The following AAMDC variants were observed in gnomAD, a reference collection of about 807,000 sequenced individuals.
AAMDC encodes mth938 domain-containing protein.
A neutral mutation model predicts 15.5 loss-of-function variants in AAMDC; 16 were observed. That is an observed-to-expected ratio of 1.03 (90% CI 0.70 to 1.57). The LOEUF (loss-of-function observed/expected upper bound fraction) is 1.57, where lower values mean the gene tolerates loss of function less well. Ranked by LOEUF, AAMDC falls within the 40% of genes most tolerant of loss-of-function variation. The pLI is 0.00. For synonymous variants in AAMDC, 51 were observed against 51.6 expected, an observed-to-expected ratio of 0.99 and a Z score of 0.05; for missense variants, 141 against 144.9, an observed-to-expected ratio of 0.97 and a Z score of 0.14.
At chr11:77,882,280 G>T (rs776964623) in intron 5 of AAMDC, among the ~76,000 whole-genome samples, 1 of 152,106 alleles carries the variant, frequency 6.6e-6, no homozygotes, top group Non-Finnish European at 1.5e-5. Flanking sequence ...AGTCTGCAAT[G>T]AACTAGGATA....
chr11:77,895,819 A>G (rs1317256040), intron 5 of AAMDC, among the ~76,000 whole-genome samples: 1 of 152,210 alleles, frequency 6.6e-6, no homozygotes, highest in Admixed American at 6.5e-5. Flanking sequence ...GTCAAAAAAG[A>G]GCAGGCATCC....
At chr11:77,872,999 T>G (rs1358868570), downstream of AAMDC, among the ~76,000 whole-genome samples, 1 of 152,216 alleles carries the variant, frequency 6.6e-6, no homozygotes, top group African/African-American at 2.4e-5. Context: ...CTAGATGCCC[T>G]TTAAAGGTTC....
At chr11:77,879,249 T>C in intron 5 of AAMDC, 1 of 979,816 alleles carries the variant, frequency 1.0e-6, no homozygotes, top group Non-Finnish European at 1.5e-6. Context: ...TCCGTCTACA[T>C]TCCCTCCCCT....
chr11:77,863,147 G>A (rs1013731904), intron 2 of AAMDC, among the ~76,000 whole-genome samples: 3 of 152,172 alleles, frequency 2.0e-5, no homozygotes, highest in African/African-American at 4.8e-5. Flanking sequence ...ATCAGAAGCC[G>A]TGGGTCACGG....
At chr11:77,852,224 C>CAAAAAAAAAAAAAA (rs545742213) in intron 2 of AAMDC, among the ~76,000 whole-genome samples, 1,485 of 33,334 alleles carry the variant, frequency 0.045, 219 homozygotes, top group Non-Finnish European at 0.059. Flanking sequence ...GACACTGTCT[C>CAAAAAAAAAAAAAA]AAAAAAAAAA....
At chr11:77,832,754 T>C (rs2136080852) in intron 1 of AAMDC, among the ~76,000 whole-genome samples, 1 of 151,544 alleles carries the variant, frequency 6.6e-6, no homozygotes. Flanking sequence ...CCTGCTGAAA[T>C]TTTTTGTATA....
rs143329977 is a variant in AAMDC at position 77,867,915 on chromosome 11, A to G, written c.133-1807A>G. Among the ~76,000 whole-genome samples, 104 of 152,298 alleles carry G rather than the reference A, an allele frequency of 6.8e-4. 1 individual carries two copies. The highest frequency in any genetic ancestry group is 5.5e-3 in the Admixed American group (84 of 15,302). On this transcript the variant is annotated intron_variant, in intron 2 of 3. Transcript: ENST00000393427. ...TAGGAAGTTCAGAAAAAAAGTAACA[A>G]TATAGAGATTGTTATGAAATTTTTC... is the stretch of plus-strand genomic sequence containing the variant.
At chr11:77,823,916 TA>T (rs557186061) in intron 1 of AAMDC, among the ~76,000 whole-genome samples, 580 of 133,240 alleles carry the variant, frequency 4.4e-3, no homozygotes, top group Non-Finnish European at 4.0e-3. Context: ...AATAACATTC[TA>T]AAAAAAAAAA....
intron 3 of AAMDC, among the ~76,000 whole-genome samples, 194 bp from the exon 4 acceptor site, chr11:77,871,981 A>T (rs1951450759): frequency 6.6e-6 from 1 of 152,234 alleles, no homozygotes; most frequent in African/African-American, 2.4e-5. Flanking sequence ...CATGGGTATT[A>T]TGATACCTCT....
chr11:77,852,481 G>A (rs1372720510), intron 2 of AAMDC, among the ~76,000 whole-genome samples: 2 of 151,876 alleles, frequency 1.3e-5, no homozygotes, highest in Non-Finnish European at 2.9e-5. Flanking sequence ...ACTATCACCA[G>A]AACAGCAAGA....
intron 1 of AAMDC, among the ~76,000 whole-genome samples, chr11:77,827,152 G>T (rs115185583): frequency 0.018 from 2,710 of 151,230 alleles, 80 homozygotes; most frequent in African/African-American, 0.062. Context: ...CCCTGGCCCC[G>T]CCCCCCTCAG....
chr11:77,876,040 C>A (rs1951584801), downstream of AAMDC, among the ~76,000 whole-genome samples: 1 of 152,048 alleles, frequency 6.6e-6, no homozygotes, highest in South Asian at 2.1e-4. Context: ...GTGGTCAGAT[C>A]AGCTCATCAC....
intron 1 of AAMDC, among the ~76,000 whole-genome samples, chr11:77,841,530 T>C (rs1282932051): frequency 6.6e-6 from 1 of 151,936 alleles, no homozygotes; most frequent in African/African-American, 2.4e-5. Flanking sequence ...TACAGGGGAG[T>C]GCGTTCAAAG....
chr11:77,887,742 A>G (rs1952078710), intron 5 of AAMDC, among the ~76,000 whole-genome samples: 1 of 152,196 alleles, frequency 6.6e-6, no homozygotes, highest in African/African-American at 2.4e-5. Context: ...TACAAAATCA[A>G]TGTGCAAAAA....
downstream of AAMDC, among the ~76,000 whole-genome samples, chr11:77,874,592 C>T (rs1017339338): frequency 6.6e-6 from 1 of 152,110 alleles, no homozygotes; most frequent in Non-Finnish European, 1.5e-5. Context: ...ACATGGTTAA[C>T]GATGGAAATA....
rs1297007601 is a variant in AAMDC, at chr11:77,832,989, GTGTGTGTGTA to G, written c.-18-9488_-18-9479del. 1.4e-4 allele frequency among the ~76,000 whole-genome samples: 4 copies of G among 29,132 alleles called. 1 individual carries two copies. The highest frequency in any genetic ancestry group is 5.6e-4 in the African/African-American group (2 of 3,540). 19.1% of individuals were successfully genotyped at this position (29,132 alleles called of 152,430 possible). A position where few individuals can be genotyped will look rare whatever the true frequency, so the allele number is the denominator to read the frequency against. On this transcript the variant is annotated intron_variant, in intron 1 of 3. Coordinates refer to ENST00000393427, the MANE Select transcript of AAMDC (RefSeq NM_024684.4). The stretch of plus-strand genomic sequence containing the variant: ...TGTGTGTGTGTGTGTGTGTGTGTGT[GTGTGTGTGTA>G]TATATATATATTTTTTTTTTTTTTT...
At chr11:77,853,282 A>G (rs181196374) in intron 2 of AAMDC, among the ~76,000 whole-genome samples, 1 of 152,364 alleles carries the variant, frequency 6.6e-6, no homozygotes, top group East Asian at 1.9e-4. Flanking sequence ...TAGTTTCTAA[A>G]GAAAAGAGGT....
downstream of AAMDC, among the ~76,000 whole-genome samples, chr11:77,875,830 G>A (rs562187892): frequency 2.0e-4 from 31 of 152,268 alleles, no homozygotes; most frequent in African/African-American, 7.5e-4. Flanking sequence ...CACATTCCCA[G>A]GCTCAGCAGG....
At chr11:77,872,513 G>C, downstream of AAMDC, among the ~76,000 whole-genome samples, 1 of 152,164 alleles carries the variant, frequency 6.6e-6, no homozygotes, top group African/African-American at 2.4e-5. Context: ...TGAGACAGAA[G>C]TTTAATAATA....
Sources: gnomAD v4.1 joint callset for allele counts (sites outside exome capture counted in the v4.1 genomes callset) on GRCh38, gnomAD v4.1.1 for gene constraint, MANE v1.5 for transcripts, NCBI Gene and HGNC (gene_info 2026-07-23, HGNC 2026-07-21) for gene names.